Variants in LARP4 observed in about 807,000 individuals in gnomAD.
LARP4 encodes the protein La ribonucleoprotein 4.
In LARP4, 29 loss-of-function variants were observed where a neutral mutation model predicts 92.9. That is an observed-to-expected ratio of 0.31 (90% CI 0.23 to 0.43). The LOEUF (loss-of-function observed/expected upper bound fraction) is 0.43, where lower values mean the gene tolerates loss of function less well. Among genes scored for constraint, LARP4 ranks in the 20% least tolerant of loss-of-function variants. LARP4 has a pLI of 1.00. For missense variants in LARP4, 732 were observed against 860.0 expected (o/e 0.85, Z 1.86); for synonymous variants, 279 against 284.1 (o/e 0.98, Z 0.18).
chr12:50,426,684 G>GGTGTGTGT (rs762987529), intron 1 of LARP4, among the ~76,000 whole-genome samples: 1,625 of 86,120 alleles, frequency 0.019, 37 homozygotes, highest in South Asian at 0.028. Context: ...TTATGTTTGG[G>GGTGTGTGT]GTGTGTGTGT....
At chr12:50,435,822 G>A (rs963959491) in intron 5 of LARP4, among the ~76,000 whole-genome samples, 198 bp downstream of exon 5, 2 of 151,190 alleles carry the variant, frequency 1.3e-5, no homozygotes, top group African/African-American at 2.4e-5. Flanking sequence ...TCACTCAAGC[G>A]GGAGTGTGAT....
In LARP4 at chr12:50,474,159, G is replaced by C. The variant is rs763394191; in HGVS notation, c.1828G>C (p.Ala610Pro). 7.7e-5 allele frequency: 124 copies of C among 1,601,336 alleles called. No individual in the cohort carries two copies. Among genetic ancestry groups the C allele is most frequent in the Middle Eastern group, 6.9e-4 (4 of 5,832 alleles). The change falls in exon 15 of 16, where the codon GCT (alanine) becomes CCT (proline). Residue 610 changes from alanine (A) to proline (P), a missense_variant. Transcript: ENST00000398473. ...TAACATAAATGCAGCTACAGCTGTG[G>C]CTCTACAGGTAACTTGAAGATTTTA... ...NNNINAATAVALQEPRKLSYA... is the reference protein window; with the variant it reads ...NNNINAATAVPLQEPRKLSYA...
intron 5 of LARP4, 59 bp downstream of exon 5, chr12:50,435,683 A>C: frequency 3.1e-6 from 4 of 1,272,490 alleles, no homozygotes; most frequent in African/African-American, 1.5e-5. Flanking sequence ...TGTTATTTCG[A>C]CTTCTGATCA....
chr12:50,469,056 A>G (rs1037333718), intron 13 of LARP4, among the ~76,000 whole-genome samples: 2 of 151,974 alleles, frequency 1.3e-5, no homozygotes, highest in South Asian at 4.1e-4. Flanking sequence ...GGTGGTTCAT[A>G]TCTTCCATGG....
At chr12:50,440,668 G>T (rs1951069243) in intron 7 of LARP4, 119 bp downstream of exon 7, 2 of 639,190 alleles carry the variant, frequency 3.1e-6, no homozygotes. Flanking sequence ...GAGTACCTTG[G>T]TCACCCTTTT....
intron 6 of LARP4, 53 bp downstream of exon 6, chr12:50,437,891 G>A: frequency 8.3e-7 from 1 of 1,204,350 alleles, no homozygotes; most frequent in Non-Finnish European, 1.2e-6. Flanking sequence ...AATTAAAAGA[G>A]GTTTCTTCTG....
chr12:50,434,452 C>T (rs1324872999), intron 4 of LARP4, among the ~76,000 whole-genome samples: 1 of 148,968 alleles, frequency 6.7e-6, no homozygotes, highest in Admixed American at 6.7e-5. Context: ...GAGTTTCGCC[C>T]TTGTTGCCCC....
intron 13 of LARP4, among the ~76,000 whole-genome samples, chr12:50,470,537 G>T (rs1030697616): frequency 2.0e-5 from 3 of 151,740 alleles, no homozygotes; most frequent in Non-Finnish European, 4.4e-5. Flanking sequence ...AGGTTCAAGC[G>T]ATTCTCCTGC....
In LARP4 at chr12:50,454,278, G is replaced by A. The variant is rs762880892; in HGVS notation, c.1018-36G>A. On this transcript the variant is annotated intron_variant, in intron 9 of 15. Transcript: ENST00000398473. ...GACCCTCACACCAGATTTTACCTTT[G>A]CCATTAATATTGTTTAAACATACAT... is the stretch of plus-strand genomic sequence containing the variant. 4 of 1,499,890 alleles carry A rather than the reference G, an allele frequency of 2.7e-6. No individual in the cohort carries two copies. In the Admixed American group the frequency reaches 7.1e-5, roughly 27 times the overall value. 92.9% of individuals were successfully genotyped at this position (1,499,890 alleles called of 1,614,324 possible). A position where few individuals can be genotyped will look rare whatever the true frequency, so the allele number is the denominator to read the frequency against.
chr12:50,452,006 AAAAT>A (rs1953287656), intron 8 of LARP4, among the ~76,000 whole-genome samples: 1 of 152,114 alleles, frequency 6.6e-6, no homozygotes, highest in African/African-American at 2.4e-5. Flanking sequence ...CTGTCTCAAA[AAAAT>A]AAATAAATAA....
chr12:50,428,990 A>G lies in LARP4; in HGVS notation c.222A>G (p.Ser74=). 2 of 1,608,174 alleles carry G rather than the reference A, an allele frequency of 1.2e-6. No homozygotes were observed. Among genetic ancestry groups the G allele is most frequent in the South Asian group, 1.1e-5 (1 of 90,698 alleles). Residue 74 remains serine (S), a synonymous_variant, in exon 3 of 16, where the codon TCA becomes TCG. Coordinates refer to ENST00000398473, the MANE Select transcript of LARP4 (RefSeq NM_052879.5). ...ICKEYEVMYS[S]SCETTRNTTG... is the part of the protein sequence containing the mutation. ...AAGAATATGAAGTAATGTATTCTTC[A>G]TCTTGTGAAACCACAAGAAATACTA... is the stretch of plus-strand genomic sequence containing the variant.
intron 13 of LARP4, among the ~76,000 whole-genome samples, chr12:50,472,404 A>G (rs12298057): frequency 0.012 from 1,753 of 152,286 alleles, 44 homozygotes; most frequent in African/African-American, 0.04. Flanking sequence ...AATTCATATA[A>G]GTAGAATCAT....
In LARP4 at chr12:50,428,920, C is replaced by T. The variant is rs1949220285; in HGVS notation, c.167-15C>T. On this transcript the variant is annotated splice_polypyrimidine_tract_variant and intron_variant, in intron 2 of 15. Transcript: ENST00000398473. Reference sequence around the variant, plus strand: ...AATAATTCCCATTTACTTTCAGTGTCTGTCTTTAATACAGGTAATGCAGAG... The same window carrying T: ...AATAATTCCCATTTACTTTCAGTGTTTGTCTTTAATACAGGTAATGCAGAG... 3 of 1,539,888 alleles carry T rather than the reference C, an allele frequency of 1.9e-6. No individual in the cohort carries two copies. The highest frequency in any genetic ancestry group is 2.6e-6 in the Non-Finnish European group (3 of 1,142,150).
In LARP4 at chr12:50,478,505, T is replaced by C. The variant is rs1957685400; in HGVS notation, c.*2641T>C. On this transcript the variant is annotated 3_prime_UTR_variant, in exon 16 of 16. Coordinates refer to ENST00000398473, the MANE Select transcript of LARP4 (RefSeq NM_052879.5). ...GTGGATGTTCATTGTAGTTTATTTATTTGGTTCTTTAGATGGAGGAATTTA... is the reference window on the plus strand; with the variant it reads ...GTGGATGTTCATTGTAGTTTATTTACTTGGTTCTTTAGATGGAGGAATTTA... The C allele has an allele frequency of 6.6e-6, 1 of 152,138 alleles. No individual in the cohort carries two copies. Among genetic ancestry groups the C allele is most frequent in the African/African-American group, 2.4e-5 (1 of 41,458 alleles). The allele number at this position is 152,138 out of a possible 1,614,324, so 9.4% of individuals were successfully genotyped here.
chr12:50,402,170 A>C (rs1333121113), intron 1 of LARP4, among the ~76,000 whole-genome samples: 4 of 151,778 alleles, frequency 2.6e-5, no homozygotes, highest in Admixed American at 2.0e-4. Flanking sequence ...ATATTCCAGC[A>C]TAAAGTAAAT....
chr12:50,420,200 T>C (rs1010740082), intron 1 of LARP4, among the ~76,000 whole-genome samples: 3 of 151,816 alleles, frequency 2.0e-5, no homozygotes, highest in African/African-American at 7.3e-5. Flanking sequence ...AAATGAAAAA[T>C]ATAAAAAGGG....
intron 8 of LARP4, among the ~76,000 whole-genome samples, chr12:50,445,072 A>C (rs570975403): frequency 7.4e-6 from 1 of 135,540 alleles, no homozygotes; most frequent in Non-Finnish European, 1.5e-5. Flanking sequence ...TAATTTTTCT[A>C]CTTTTTTTGT....
intron 4 of LARP4, among the ~76,000 whole-genome samples, chr12:50,432,614 C>T (rs1462373822): frequency 2.6e-5 from 4 of 152,088 alleles, no homozygotes; most frequent in Admixed American, 1.3e-4. Context: ...AATCCCAGCA[C>T]TTTGGGAGGC....
intron 1 of LARP4, 95 bp downstream of exon 1, chr12:50,401,123 C>CAT: frequency 1.4e-6 from 2 of 1,430,030 alleles, no homozygotes; most frequent in Non-Finnish European, 2.0e-6. Flanking sequence ...CCGGGCCGTA[C>CAT]ACGCCGCGGA....
Sources: gnomAD v4.1 joint callset for allele counts (sites outside exome capture counted in the v4.1 genomes callset) on GRCh38, gnomAD v4.1.1 for gene constraint, MANE v1.5 for transcripts, NCBI Gene and HGNC (gene_info 2026-07-23, HGNC 2026-07-21) for gene names.